Variants in SLC4A7 observed in about 807,000 individuals in gnomAD.
SLC4A7 encodes the protein solute carrier family 4 member 7.
In SLC4A7, 51 loss-of-function variants were observed where a neutral mutation model predicts 137.6. That is an observed-to-expected ratio of 0.37 (90% CI 0.30 to 0.47). SLC4A7 has a LOEUF of 0.47. Ranked by LOEUF, SLC4A7 falls within the 20% of genes least tolerant of loss-of-function variation. The pLI is 1.00. For missense variants in SLC4A7, 1,247 were observed against 1,525.4 expected (o/e 0.82, Z 3.04); for synonymous variants, 542 against 518.6 (o/e 1.05, Z -0.61).
chr3:27,450,075 T>A lies in SLC4A7; in HGVS notation c.143-1278A>T, dbSNP rs184101500. Among the ~76,000 whole-genome samples, 27 of 152,300 alleles carry A rather than the reference T, an allele frequency of 1.8e-4. 1 individual carries two copies. The highest frequency in any genetic ancestry group is 2.6e-4 in the Admixed American group (4 of 15,294). ...TAAAATTTGAGTTGCCTGACACTCA[T>A]GTTCCCAGGTAAGGCTTAAAAATGT... On this transcript the variant is annotated intron_variant, in intron 2 of 25. Transcript: ENST00000454389.
chr3:27,456,771 G>C (rs1399677938), intron 1 of SLC4A7: 5 of 1,565,760 alleles, frequency 3.2e-6, no homozygotes, highest in Non-Finnish European at 4.3e-6. Context: ...TCTGATTTAG[G>C]TCACTGTGCT....
intron 14 of SLC4A7, among the ~76,000 whole-genome samples, chr3:27,403,847 C>T (rs528907442): frequency 1.3e-5 from 2 of 152,260 alleles, no homozygotes; most frequent in Middle Eastern, 3.4e-3. Context: ...TCCTCTCCCA[C>T]CATTATCACC....
intron 8 of SLC4A7, among the ~76,000 whole-genome samples, chr3:27,423,403 C>T (rs2055197781): frequency 6.6e-6 from 1 of 152,148 alleles, no homozygotes; most frequent in African/African-American, 2.4e-5. Context: ...TCATAAAGTA[C>T]ATTTTACATT....
chr3:27,414,206 G>C (rs755417246), intron 11 of SLC4A7, among the ~76,000 whole-genome samples: 2 of 152,154 alleles, frequency 1.3e-5, no homozygotes, highest in African/African-American at 2.4e-5. Context: ...CCTGAACCCG[G>C]GAGGCAGAGG....
chr3:27,447,865 C>A lies in SLC4A7; in HGVS notation c.289+786G>T, dbSNP rs532687967. Among the ~76,000 whole-genome samples, 5 of 151,694 alleles carry A rather than the reference C, an allele frequency of 3.3e-5. No homozygotes were observed. The East Asian group carries it at 5.8e-4, about 18-fold the overall frequency. On this transcript the variant is annotated intron_variant, in intron 3 of 25. Coordinates refer to ENST00000454389, the MANE Select transcript of SLC4A7 (RefSeq NM_001321103.2). ...AGAGTACTCTTTTTTGCACAGAAAA[C>A]CAAATAATCCAGCCTAGTGGATAAA...
chr3:27,446,375 T>C (rs767479056), intron 3 of SLC4A7, among the ~76,000 whole-genome samples: 7 of 152,122 alleles, frequency 4.6e-5, no homozygotes, highest in Non-Finnish European at 8.8e-5. Flanking sequence ...TGGATACAAA[T>C]TGGTAGTTAA....
chr3:27,484,055 C>A lies in SLC4A7; in HGVS notation c.60+12G>T. On this transcript the variant is annotated intron_variant, in intron 1 of 25. Coordinates refer to ENST00000454389, the MANE Select transcript of SLC4A7 (RefSeq NM_001321103.2). ...CCCCTGCGGAGGAGCCCCACCGCCG[C>A]GGCGCCCTCACCCTGCTCGTTACCC... The A allele has an allele frequency of 1.4e-6, 2 of 1,397,410 alleles. No homozygotes were observed. The highest frequency in any genetic ancestry group is 1.5e-5 in the South Asian group (1 of 67,396). 86.6% of individuals were successfully genotyped at this position (1,397,410 alleles called of 1,614,324 possible). A position where few individuals can be genotyped will look rare whatever the true frequency, so the allele number is the denominator to read the frequency against.
intron 11 of SLC4A7, among the ~76,000 whole-genome samples, chr3:27,416,556 C>T (rs2054402762): frequency 1.3e-5 from 2 of 152,054 alleles, no homozygotes; most frequent in African/African-American, 2.4e-5. Context: ...TTTGATATTT[C>T]TAGGCTATGA....
intron 22 of SLC4A7, among the ~76,000 whole-genome samples, chr3:27,389,363 T>A (rs570691047): frequency 2.6e-5 from 4 of 152,246 alleles, no homozygotes; most frequent in African/African-American, 9.6e-5. Context: ...TTTTAGAAAA[T>A]ACTACTTGAG....
In SLC4A7 at chr3:27,374,577, A is replaced by G. The variant is rs977726613; in HGVS notation, c.*2187T>C. On this transcript the variant is annotated 3_prime_UTR_variant, in exon 26 of 26. Coordinates refer to ENST00000454389, the MANE Select transcript of SLC4A7 (RefSeq NM_001321103.2). Reference sequence around the variant, plus strand: ...GAGTAGTCAGATCATTTTGTCAGTCAAGTAGTCAAAAGAAAGCAGAAACCA... The same window carrying G: ...GAGTAGTCAGATCATTTTGTCAGTCGAGTAGTCAAAAGAAAGCAGAAACCA... The G allele has an allele frequency of 1.3e-5, 2 of 152,526 alleles. No homozygotes were observed. Among genetic ancestry groups the G allele is most frequent in the African/African-American group, 4.8e-5 (2 of 41,456 alleles). 9.4% of individuals were successfully genotyped at this position (152,526 alleles called of 1,614,324 possible).
chr3:27,420,648 T>C, intron 10 of SLC4A7, 52 bp downstream of exon 10: 3 of 1,130,122 alleles, frequency 2.7e-6, no homozygotes, highest in Middle Eastern at 2.0e-4. Flanking sequence ...ATATATACTA[T>C]ATGCTGCATA....
rs764382323 is a variant in SLC4A7 at position 27,431,613 on chromosome 3, G to T, written c.835C>A (p.Leu279Ile). ...AAAGGTGATTCTCCTCTCAAGGAAAGGTTTGAGGCAGACAGACCTGTTCGC... is the reference window on the plus strand; with the variant it reads ...AAAGGTGATTCTCCTCTCAAGGAAATGTTTGAGGCAGACAGACCTGTTCGC... ...SLRTGLSASN[L>I]SLRGESPLSL... Residue 279 changes from leucine to isoleucine, a missense_variant, in exon 7 of 26, where the codon CTT (leucine) becomes ATT (isoleucine). Transcript: ENST00000454389. The T allele has an allele frequency of 1.9e-6, 3 of 1,613,564 alleles. No individual in the cohort carries two copies. In the South Asian group the frequency reaches 3.3e-5, roughly 18 times the overall value.
intron 1 of SLC4A7, among the ~76,000 whole-genome samples, chr3:27,481,572 AATTTT>A (rs2059708688): frequency 1.3e-5 from 2 of 152,208 alleles, no homozygotes. Flanking sequence ...GCGAAGATTT[AATTTT>A]ATCAACGCCA....
At chr3:27,427,947 C>T (rs979103914) in intron 7 of SLC4A7, among the ~76,000 whole-genome samples, 1 of 152,100 alleles carries the variant, frequency 6.6e-6, no homozygotes, top group Non-Finnish European at 1.5e-5. Flanking sequence ...AACCCATCTC[C>T]CCCTTCTTTC....
chr3:27,391,495 G>T (rs1369820453), intron 21 of SLC4A7, among the ~76,000 whole-genome samples: 2 of 151,888 alleles, frequency 1.3e-5, no homozygotes, highest in South Asian at 2.1e-4. Context: ...TGAGTTATAG[G>T]GCTTTTCATT....
intron 5 of SLC4A7, among the ~76,000 whole-genome samples, chr3:27,434,324 GCTA>G (rs1265532152): frequency 3.3e-5 from 5 of 152,158 alleles, no homozygotes; most frequent in Admixed American, 6.5e-5. Flanking sequence ...TTATAAAGAG[GCTA>G]CTATTATATA....
At chr3:27,465,474 TAAA>T (rs10564000) in intron 1 of SLC4A7, among the ~76,000 whole-genome samples, 127 of 125,432 alleles carry the variant, frequency 1.0e-3, no homozygotes, top group Admixed American at 1.3e-3. Flanking sequence ...GTAGGCACAG[TAAA>T]AAAAAAAAAA....
intron 16 of SLC4A7, among the ~76,000 whole-genome samples, chr3:27,399,762 T>C (rs556018173): frequency 8.5e-5 from 13 of 152,224 alleles, no homozygotes; most frequent in Non-Finnish European, 1.5e-5. Flanking sequence ...CCAATAGATA[T>C]ATTAGATGAT....
At chr3:27,434,265 C>G (rs2056557210) in intron 5 of SLC4A7, among the ~76,000 whole-genome samples, 161 bp from the exon 6 acceptor site, 1 of 151,970 alleles carries the variant, frequency 6.6e-6, no homozygotes, top group Non-Finnish European at 1.5e-5. Context: ...ATTATCCAAC[C>G]AATAAAAATG....
Sources: allele counts gnomAD v4.1 joint callset (sites outside exome capture counted in the v4.1 genomes callset), GRCh38; gene constraint gnomAD v4.1.1; transcripts MANE v1.5; gene names NCBI Gene and HGNC (gene_info 2026-07-23, HGNC 2026-07-21).